ZBBX: variants seen among roughly 807,000 people sequenced by gnomAD.
The protein encoded by ZBBX is zinc finger B-box domain containing.
A neutral mutation model predicts 108.5 loss-of-function variants in ZBBX; 101 were observed. That is an observed-to-expected ratio of 0.93 (90% confidence interval 0.79 to 1.10). The LOEUF (loss-of-function observed/expected upper bound fraction) is 1.10. Among genes scored for constraint, ZBBX ranks in the 50% least tolerant of loss-of-function variants. ZBBX has a pLI of 0.00. For missense variants in ZBBX, 1,009 were observed against 941.4 expected, an observed-to-expected ratio of 1.07 and a Z score of -0.94; for synonymous variants, 356 against 323.4, an observed-to-expected ratio of 1.10 and a Z score of -1.08.
the ZBBX span, among the ~76,000 whole-genome samples, chr3:167,196,921 T>A: frequency 4.6e-5 from 7 of 152,180 alleles, no homozygotes; most frequent in African/African-American, 1.7e-4. Flanking sequence ...AGTACCAAAA[T>A]GAGAGTAGCT....
chr3:167,307,003 CA>C (rs2108238302), intron 16 of ZBBX, among the ~76,000 whole-genome samples: 1 of 152,176 alleles, frequency 6.6e-6, no homozygotes, highest in African/African-American at 2.4e-5. Flanking sequence ...CTAGTGGAAA[CA>C]AGGAAGTCAA....
At chr3:167,398,681 C>A (rs921441528) in intron 1 of ZBBX, among the ~76,000 whole-genome samples, 5 of 151,866 alleles carry the variant, frequency 3.3e-5, no homozygotes, top group Admixed American at 6.6e-5. Context: ...ATATTTGCAA[C>A]CTCTTAGCAG....
At chr3:167,328,347 A>G (rs965253929) in intron 10 of ZBBX, among the ~76,000 whole-genome samples, 1 of 152,166 alleles carries the variant, frequency 6.6e-6, no homozygotes, top group African/African-American at 2.4e-5. Context: ...GAAATCATGA[A>G]GATGACAGCC....
chr3:167,239,099 G>C (rs1720353807), downstream of ZBBX, among the ~76,000 whole-genome samples: 2 of 152,042 alleles, frequency 1.3e-5, no homozygotes, highest in Admixed American at 1.3e-4. Context: ...AATCCACAGG[G>C]CTGGCCTGCA....
chr3:167,316,417 C>G (rs1735465446), intron 14 of ZBBX, among the ~76,000 whole-genome samples: 2 of 152,064 alleles, frequency 1.3e-5, no homozygotes, highest in Non-Finnish European at 2.9e-5. Context: ...TACTATATTA[C>G]TAGAAAGTCA....
At chr3:167,218,002 C>G in the ZBBX span, among the ~76,000 whole-genome samples, 1 of 151,914 alleles carries the variant, frequency 6.6e-6, no homozygotes, top group Non-Finnish European at 1.5e-5. Context: ...CTTGGCCTCC[C>G]AAAGTGCTGG....
At chr3:167,253,872 G>T (rs1224147892) in intron 20 of ZBBX, among the ~76,000 whole-genome samples, 1 of 152,058 alleles carries the variant, frequency 6.6e-6, no homozygotes, top group Non-Finnish European at 1.5e-5. Context: ...AGGACCATAA[G>T]ATTTTCCACA....
At chr3:167,380,013 C>T (rs1747556889) in intron 1 of ZBBX, among the ~76,000 whole-genome samples, 1 of 152,210 alleles carries the variant, frequency 6.6e-6, no homozygotes, top group South Asian at 2.1e-4. Context: ...AGGCTTTCAA[C>T]TCCTGAGGCC....
At chr3:167,301,355 C>A (rs193134196) in intron 17 of ZBBX, among the ~76,000 whole-genome samples, 1 of 152,246 alleles carries the variant, frequency 6.6e-6, no homozygotes, top group East Asian at 1.9e-4. Context: ...ATGAAAGATT[C>A]CCTGAGAAAG....
At chr3:167,360,894 TTTAA>T (rs1254572900) in intron 6 of ZBBX, among the ~76,000 whole-genome samples, 171 bp from the exon 7 acceptor site, 1 of 151,928 alleles carries the variant, frequency 6.6e-6, no homozygotes, top group Non-Finnish European at 1.5e-5. Context: ...ATATGTACCT[TTTAA>T]TTAATCTAAT....
chr3:167,247,530 C>T (rs1165030830), intron 20 of ZBBX, among the ~76,000 whole-genome samples: 1 of 152,148 alleles, frequency 6.6e-6, no homozygotes, highest in Non-Finnish European at 1.5e-5. Flanking sequence ...GTCCTCTGTC[C>T]TTGTGACAAG....
At chr3:167,251,170 A>T (rs959744986) in intron 20 of ZBBX, among the ~76,000 whole-genome samples, 2 of 152,064 alleles carry the variant, frequency 1.3e-5, no homozygotes, top group African/African-American at 2.4e-5. Flanking sequence ...GGGAAATACC[A>T]TCTCCCTTCT....
At chr3:167,399,064 C>T (rs988213601) in intron 1 of ZBBX, among the ~76,000 whole-genome samples, 5 of 151,974 alleles carry the variant, frequency 3.3e-5, no homozygotes, top group Non-Finnish European at 5.9e-5. Context: ...GTCCCCACCA[C>T]CAAGAAGGCT....
At chr3:167,237,827 T>C (rs1202751928), downstream of ZBBX, among the ~76,000 whole-genome samples, 1 of 151,992 alleles carries the variant, frequency 6.6e-6, no homozygotes, top group Non-Finnish European at 1.5e-5. Flanking sequence ...ATCAGCTTAA[T>C]ATTTATTTCA....
chr3:167,385,480 T>A (rs1237605236), intron 1 of ZBBX, among the ~76,000 whole-genome samples: 1 of 151,940 alleles, frequency 6.6e-6, no homozygotes, highest in Non-Finnish European at 1.5e-5. Flanking sequence ...CTACCCTAAA[T>A]TTTTTTTAAA....
the ZBBX span, among the ~76,000 whole-genome samples, chr3:167,206,595 A>T: frequency 6.6e-6 from 1 of 152,118 alleles, no homozygotes; most frequent in Admixed American, 6.5e-5. Context: ...TACAGATTGA[A>T]TGTAATCCTT....
chr3:167,369,690 T>C (rs1745873214), intron 4 of ZBBX, among the ~76,000 whole-genome samples: 1 of 152,148 alleles, frequency 6.6e-6, no homozygotes, highest in Admixed American at 6.5e-5. Flanking sequence ...TATAGTGGAA[T>C]AGTGCTGTCA....
chr3:167,286,973 G>A (rs1729822008), intron 19 of ZBBX, among the ~76,000 whole-genome samples: 1 of 152,014 alleles, frequency 6.6e-6, no homozygotes, highest in Non-Finnish European at 1.5e-5. Flanking sequence ...CATTGTCTCT[G>A]TTCAGAAAGC....
chr3:167,364,237 A>G (rs1744982486), intron 6 of ZBBX, among the ~76,000 whole-genome samples: 1 of 151,796 alleles, frequency 6.6e-6, no homozygotes. Context: ...TATACCTCTC[A>G]ATGTTAACAA....
Sources: allele counts gnomAD v4.1 joint callset (sites outside exome capture counted in the v4.1 genomes callset), GRCh38; gene constraint gnomAD v4.1.1; transcripts MANE v1.5; gene names NCBI Gene and HGNC (gene_info 2026-07-23, HGNC 2026-07-21).